The following DLC1 variants were observed in gnomAD, a reference collection of about 807,000 sequenced individuals.
DLC1 encodes the protein rho GTPase-activating protein 7.
In DLC1, 54 loss-of-function variants were observed where a neutral mutation model predicts 140.3. The ratio of observed to expected loss-of-function variants is 0.38; its 90% CI spans 0.31 to 0.48. The LOEUF is 0.48. Ranked by LOEUF, DLC1 falls within the 20% of genes least tolerant of loss-of-function variation. DLC1 has a pLI of 0.96. For synonymous variants in DLC1, 986 were observed against 728.1 expected (o/e 1.35, Z -5.70); for missense variants, 2,536 against 1,907.0 (o/e 1.33, Z -6.14).
chr8:13,508,037 T>C (rs1466550910), intron 1 of DLC1, among the ~76,000 whole-genome samples: 2 of 152,244 alleles, frequency 1.3e-5, no homozygotes, highest in African/African-American at 4.8e-5. Flanking sequence ...AAGTTAACTC[T>C]TTCAATCCAC....
At chr8:13,303,276 G>A (rs541835129) in intron 5 of DLC1, among the ~76,000 whole-genome samples, 30 of 152,184 alleles carry the variant, frequency 2.0e-4, no homozygotes, top group Admixed American at 6.5e-4. Flanking sequence ...TCTGAGATGG[G>A]GCATCCTGGG....
chr8:13,161,887 G>A (rs535841521), intron 5 of DLC1, among the ~76,000 whole-genome samples: 21 of 152,132 alleles, frequency 1.4e-4, no homozygotes, highest in Admixed American at 3.3e-4. Context: ...TTAGACATAA[G>A]GGACAAAATA....
intron 2 of DLC1, among the ~76,000 whole-genome samples, chr8:13,449,857 C>G (rs954161796): frequency 6.6e-6 from 1 of 152,010 alleles, no homozygotes; most frequent in African/African-American, 2.4e-5. Flanking sequence ...ATCTTGGTGG[C>G]AGGCTGTGAT....
intron 2 of DLC1, among the ~76,000 whole-genome samples, chr8:13,432,968 T>C (rs1838954073): frequency 6.7e-6 from 1 of 148,920 alleles, no homozygotes; most frequent in Non-Finnish European, 1.5e-5. Context: ...TTTTTTTTCC[T>C]TTTTCAAACA....
rs534662216 is a variant in DLC1, at chr8:13,250,164, T to G, written c.1348+55105A>C. On this transcript the variant is annotated intron_variant, in intron 5 of 17. Coordinates refer to ENST00000276297, the MANE Select transcript of DLC1 (RefSeq NM_182643.3). ...CAATACGTACTTGTTAAATAAATAT[T>G]TCCATATAAACTTCTACCAAATGAC... is the stretch of plus-strand genomic sequence containing the variant. 3.3e-5 allele frequency among the ~76,000 whole-genome samples: 5 copies of G among 152,340 alleles called. No individual in the cohort carries two copies. In the East Asian group the frequency reaches 9.6e-4, roughly 29 times the overall value.
intron 4 of DLC1, chr8:13,340,887 T>C (rs896708088): frequency 9.2e-5 from 14 of 152,360 alleles, no homozygotes; most frequent in African/African-American, 3.4e-4. Flanking sequence ...AGCCATCCTC[T>C]ATGGCTGCGC....
chr8:13,574,926 T>C (rs767088832), intron 1 of DLC1, among the ~76,000 whole-genome samples: 4 of 152,198 alleles, frequency 2.6e-5, no homozygotes, highest in African/African-American at 4.8e-5. Context: ...TGCAGCAGCA[T>C]AGTAAACAGG....
chr8:13,405,760 G>T (rs1276770296), intron 2 of DLC1, among the ~76,000 whole-genome samples: 1 of 151,932 alleles, frequency 6.6e-6, no homozygotes, highest in Non-Finnish European at 1.5e-5. Flanking sequence ...TTAATTGCAA[G>T]AAACCTGTGA....
At position 13,088,483 on chromosome 8, in the gene DLC1, T is replaced by C. The variant is rs1367861841; in HGVS notation, c.4292+4A>G. 1.9e-6 allele frequency: 3 copies of C among 1,614,110 alleles called. No individual in the cohort carries two copies. The highest frequency in any genetic ancestry group is 1.6e-4 in the Middle Eastern group (1 of 6,062). On this transcript the variant is annotated splice_donor_region_variant and intron_variant, in intron 16 of 17. Transcript: ENST00000276297. Reference sequence around the variant, plus strand: ...TCACAAAAAAACAACTGGGAAGCGCTCACCTTAAAACAACGTAGTCTCGAG... The same window carrying C: ...TCACAAAAAAACAACTGGGAAGCGCCCACCTTAAAACAACGTAGTCTCGAG...
intron 7 of DLC1, among the ~76,000 whole-genome samples, chr8:13,103,839 CA>C (rs1002564334): frequency 2.8e-3 from 172 of 60,804 alleles, no homozygotes; most frequent in East Asian, 4.6e-3. Context: ...GACTCCATCT[CA>C]AAAAAAAAAA....
At chr8:13,470,522 C>T (rs1012530673) in intron 2 of DLC1, among the ~76,000 whole-genome samples, 4 of 152,104 alleles carry the variant, frequency 2.6e-5, no homozygotes, top group Non-Finnish European at 5.9e-5. Context: ...GAGGTGCTTG[C>T]CATCACTAAT....
At chr8:13,223,267 T>C (rs1266175534) in intron 5 of DLC1, among the ~76,000 whole-genome samples, 1 of 152,102 alleles carries the variant, frequency 6.6e-6, no homozygotes, top group Non-Finnish European at 1.5e-5. Flanking sequence ...CTGTGGCCCA[T>C]CAGACTAGAA....
intron 5 of DLC1, among the ~76,000 whole-genome samples, chr8:13,198,407 G>A (rs539284635): frequency 2.7e-4 from 41 of 152,180 alleles, no homozygotes; most frequent in African/African-American, 8.9e-4. Context: ...AAAAGCTCTC[G>A]ATCTTCTCTT....
intron 1 of DLC1, chr8:13,558,575 C>G (rs986307057): frequency 1.3e-5 from 2 of 152,068 alleles, no homozygotes; most frequent in Non-Finnish European, 2.9e-5. Flanking sequence ...ATGTATTGTT[C>G]TTTAGGTCAC....
intron 7 of DLC1, among the ~76,000 whole-genome samples, chr8:13,103,747 G>A (rs1037471617): frequency 8.7e-5 from 13 of 148,670 alleles, no homozygotes; most frequent in African/African-American, 3.3e-4. Context: ...GCTGTGGCAG[G>A]AAGAATCGCT....
chr8:13,450,050 C>T (rs961024626), intron 2 of DLC1, among the ~76,000 whole-genome samples: 2 of 151,738 alleles, frequency 1.3e-5, no homozygotes, highest in African/African-American at 4.8e-5. Flanking sequence ...CAGTTTTTAG[C>T]TCCTTATTTA....
chr8:13,099,606 A>T lies in DLC1; in HGVS notation c.2731T>A (p.Tyr911Asn). ...DIFPELDDIL[Y>N]HVKGMQRIVN... The stretch of plus-strand genomic sequence containing the variant: ...ATCCGCTGCATCCCCTTCACGTGGT[A>T]GAGGATGTCGTCCAGCTCGGGGAAG... The change falls in exon 9 of 18, where the codon TAC becomes AAC. Residue 911 changes from tyrosine (Y) to asparagine (N), a missense_variant. Tyr to Asn is a moderately radical substitution (Grantham distance 143). Transcript: ENST00000276297. 6.2e-7 allele frequency: 1 copy of T among 1,614,230 alleles called. No individual in the cohort carries two copies. The highest frequency in any genetic ancestry group is 8.5e-7 in the Non-Finnish European group (1 of 1,180,042).
chr8:13,133,503 G>A (rs1432109637), intron 5 of DLC1: 2 of 84,940 alleles, frequency 2.4e-5, no homozygotes, highest in Non-Finnish European at 3.9e-5. Flanking sequence ...GCCCCGCCCA[G>A]GCCCCGCCTC....
At chr8:13,344,103 C>A (rs957128484) in intron 4 of DLC1, among the ~76,000 whole-genome samples, 3 of 152,146 alleles carry the variant, frequency 2.0e-5, no homozygotes, top group Non-Finnish European at 4.4e-5. Context: ...GCTCCTTTTT[C>A]TTTCATTCAA....
Sources: gnomAD v4.1 joint callset for allele counts (sites outside exome capture counted in the v4.1 genomes callset) on GRCh38, gnomAD v4.1.1 for gene constraint, MANE v1.5 for transcripts, NCBI Gene and HGNC (gene_info 2026-07-23, HGNC 2026-07-21) for gene names.